Variants in ADAMTS12 observed in about 807,000 individuals in gnomAD.
ADAMTS12 encodes the protein A disintegrin and metalloproteinase with thrombospondin motifs 12.
A neutral mutation model predicts 167.8 loss-of-function variants in ADAMTS12; 118 were observed. The observed-to-expected ratio is 0.70, with a 90% CI of 0.61 to 0.82. The LOEUF (loss-of-function observed/expected upper bound fraction) is 0.82, where lower values mean the gene tolerates loss of function less well. Among genes scored for constraint, ADAMTS12 ranks in the 40% least tolerant of loss-of-function variants. ADAMTS12 has a pLI of 0.00. For synonymous variants in ADAMTS12, 704 were observed against 716.9 expected (o/e 0.98, Z 0.29); for missense variants, 1,916 against 1,998.8 (o/e 0.96, Z 0.79).
At chr5:33,680,735 T>C (rs1252953320) in intron 5 of ADAMTS12, among the ~76,000 whole-genome samples, 1 of 152,168 alleles carries the variant, frequency 6.6e-6, no homozygotes, top group Non-Finnish European at 1.5e-5. Flanking sequence ...GGCTCCTTAA[T>C]GAGGGGATAG....
chr5:33,861,458 A>T (rs1282329340), intron 2 of ADAMTS12, among the ~76,000 whole-genome samples: 1 of 152,240 alleles, frequency 6.6e-6, no homozygotes, highest in Non-Finnish European at 1.5e-5. Flanking sequence ...TAAAGAGATC[A>T]ATGCAACAAG....
At chr5:33,683,140 GA>G (rs769044274) in intron 4 of ADAMTS12, 39 bp from the exon 5 acceptor site, 2 of 1,456,982 alleles carry the variant, frequency 1.4e-6, no homozygotes, top group Non-Finnish European at 1.9e-6. Context: ...TCCACACGAA[GA>G]GATAATAAAT....
intron 2 of ADAMTS12, among the ~76,000 whole-genome samples, chr5:33,768,426 TAA>T (rs922322220): frequency 1.4e-4 from 21 of 152,206 alleles, no homozygotes; most frequent in Non-Finnish European, 2.6e-4. Context: ...AAAGCCCTTT[TAA>T]ATCATAAGGA....
intron 2 of ADAMTS12, among the ~76,000 whole-genome samples, chr5:33,807,801 A>C (rs1397446533): frequency 6.6e-6 from 1 of 152,240 alleles, no homozygotes; most frequent in Admixed American, 6.5e-5. Context: ...GAGAACCATC[A>C]CGAGTAATGG....
At chr5:33,546,315 G>A in intron 21 of ADAMTS12, 113 bp from the exon 22 acceptor site, 1 of 998,678 alleles carries the variant, frequency 1.0e-6, no homozygotes, top group Non-Finnish European at 1.4e-6. Flanking sequence ...TAGGAATATT[G>A]GTATCTGTAT....
intron 22 of ADAMTS12, among the ~76,000 whole-genome samples, chr5:33,539,240 C>T (rs574051196): frequency 3.9e-5 from 6 of 152,158 alleles, no homozygotes; most frequent in Non-Finnish European, 8.8e-5. Flanking sequence ...CCACACCTGG[C>T]CACAATTTTC....
intron 3 of ADAMTS12, among the ~76,000 whole-genome samples, chr5:33,718,591 C>G (rs1451235267): frequency 5.3e-5 from 8 of 151,840 alleles, no homozygotes; most frequent in Admixed American, 5.2e-4. Context: ...AAAATGTCTT[C>G]CATGAAATCA....
intron 12 of ADAMTS12, among the ~76,000 whole-genome samples, chr5:33,635,261 T>C (rs1379493727): frequency 6.6e-6 from 1 of 152,174 alleles, no homozygotes; most frequent in Non-Finnish European, 1.5e-5. Context: ...AAAAGGGTTG[T>C]TGGGTTTTCT....
At chr5:33,646,321 G>C (rs947860744) in intron 9 of ADAMTS12, among the ~76,000 whole-genome samples, 2 of 152,120 alleles carry the variant, frequency 1.3e-5, no homozygotes, top group African/African-American at 4.8e-5. Context: ...ATGTTAATCT[G>C]GAGATGCAAA....
chr5:33,808,585 C>A (rs902777675), intron 2 of ADAMTS12, among the ~76,000 whole-genome samples: 14 of 152,108 alleles, frequency 9.2e-5, no homozygotes, highest in Non-Finnish European at 2.1e-4. Context: ...ACTACACCAG[C>A]AAATGCATAA....
At chr5:33,863,283 T>C (rs1749689490) in intron 2 of ADAMTS12, among the ~76,000 whole-genome samples, 1 of 152,206 alleles carries the variant, frequency 6.6e-6, no homozygotes, top group Non-Finnish European at 1.5e-5. Flanking sequence ...TGATTGTATA[T>C]TTAGAAAACC....
At chr5:33,621,465 T>A (rs1739328738) in intron 14 of ADAMTS12, among the ~76,000 whole-genome samples, 1 of 151,938 alleles carries the variant, frequency 6.6e-6, no homozygotes, top group African/African-American at 2.4e-5. Flanking sequence ...AGGCCCTCAT[T>A]TCTGAGATTC....
chr5:33,601,548 A>G (rs1738190216), intron 16 of ADAMTS12, among the ~76,000 whole-genome samples: 1 of 152,212 alleles, frequency 6.6e-6, no homozygotes, highest in African/African-American at 2.4e-5. Flanking sequence ...AACTCAACTC[A>G]TCCAATTCAA....
At chr5:33,654,011 T>C (rs1035555776) in intron 7 of ADAMTS12, among the ~76,000 whole-genome samples, 3 of 152,192 alleles carry the variant, frequency 2.0e-5, no homozygotes, top group Non-Finnish European at 4.4e-5. Context: ...TCTTTCTCTT[T>C]GCTCATACAG....
At chr5:33,649,423 G>C in intron 8 of ADAMTS12, 131 bp downstream of exon 8, 1 of 1,171,372 alleles carries the variant, frequency 8.5e-7, no homozygotes, top group East Asian at 2.6e-5. Context: ...CCCTTCTGAT[G>C]CCACCCTGAC....
intron 6 of ADAMTS12, among the ~76,000 whole-genome samples, chr5:33,660,189 G>A (rs1215840073): frequency 6.6e-6 from 1 of 152,124 alleles, no homozygotes; most frequent in East Asian, 1.9e-4. Flanking sequence ...ACAGACCCCT[G>A]TCCTAAGGAA....
At chr5:33,529,218 C>T (rs1743976417) in intron 23 of ADAMTS12, among the ~76,000 whole-genome samples, 1 of 152,162 alleles carries the variant, frequency 6.6e-6, no homozygotes, top group Non-Finnish European at 1.5e-5. Context: ...AACCCTTGTT[C>T]TCCTCTAACT....
At position 33,641,924 on chromosome 5, in the gene ADAMTS12, C is replaced by T. The variant is rs372519820; in HGVS notation, c.1604G>A (p.Gly535Glu). 2.5e-6 allele frequency: 4 copies of T among 1,613,246 alleles called. No individual in the cohort carries two copies. In the Admixed American group the frequency reaches 6.7e-5, roughly 27 times the overall value. ...TCCAGGAATGCTCTCTGGTTTCTTC[C>T]CCACTGTGATGCACTTGCCTGCCAT... ...WCMAGKCITV[G>E]KKPESIPGGW... Residue 535 changes from glycine (G) to glutamate (E), a missense_variant, in exon 11 of 24, where the codon GGG becomes GAG. Physicochemically the swap from Gly to Glu is moderately conservative, Grantham distance 98 (BLOSUM62 -2). Coordinates refer to ENST00000504830, the MANE Select transcript of ADAMTS12 (RefSeq NM_030955.4).
At chr5:33,856,958 T>C (rs570820752) in intron 2 of ADAMTS12, among the ~76,000 whole-genome samples, 2 of 152,374 alleles carry the variant, frequency 1.3e-5, no homozygotes, top group East Asian at 3.9e-4. Flanking sequence ...CTCACGTTTA[T>C]GGCAGCACTA....
Sources: allele counts gnomAD v4.1 joint callset (sites outside exome capture counted in the v4.1 genomes callset), GRCh38; gene constraint gnomAD v4.1.1; transcripts MANE v1.5; gene names NCBI Gene and HGNC (gene_info 2026-07-23, HGNC 2026-07-21).